Variants in ZC3H12B observed in about 807,000 individuals in gnomAD.
The protein encoded by ZC3H12B is probable ribonuclease ZC3H12B.
Under a neutral mutation model 43.9 loss-of-function variants are expected in ZC3H12B, and 7 were observed. The observed-to-expected ratio is 0.16, with a 90% CI of 0.09 to 0.30. The LOEUF (loss-of-function observed/expected upper bound fraction) is 0.30. ZC3H12B is among the 10% of genes least tolerant of loss of function. ZC3H12B has a pLI of 1.00. For missense variants in ZC3H12B, 475 were observed against 670.2 expected, an observed-to-expected ratio of 0.71 and a Z score of 3.22; for synonymous variants, 222 against 241.7, an observed-to-expected ratio of 0.92 and a Z score of 0.76.
the ZC3H12B span, among the ~76,000 whole-genome samples, chrX:65,312,867 T>C: frequency 9.0e-6 from 1 of 111,485 alleles, no homozygotes; most frequent in Non-Finnish European, 1.9e-5. Flanking sequence ...GGTTTTTTGT[T>C]TGTTTGTTTT....
chrX:65,307,681 C>CA, the ZC3H12B span, among the ~76,000 whole-genome samples: 1 of 110,690 alleles, frequency 9.0e-6, no homozygotes, highest in Non-Finnish European at 1.9e-5. Context: ...ATGTGTAGTC[C>CA]AAAAAAAGGT....
At chrX:65,056,828 CCT>C in the ZC3H12B span, among the ~76,000 whole-genome samples, 1 of 111,553 alleles carries the variant, frequency 9.0e-6, no homozygotes, top group East Asian at 2.8e-4. Context: ...TGAATTGATC[CCT>C]TTACTATTAT....
chrX:65,422,152 G>A (rs1015210810), intron 3 of ZC3H12B, among the ~76,000 whole-genome samples: 4 of 111,119 alleles, frequency 3.6e-5, no homozygotes, highest in Middle Eastern at 4.7e-3. Flanking sequence ...CTCAGAATCA[G>A]CATTCAATAT....
chrX:65,159,715 C>A, the ZC3H12B span, among the ~76,000 whole-genome samples: 1 of 111,845 alleles, frequency 8.9e-6, no homozygotes, highest in Non-Finnish European at 1.9e-5. Context: ...CAAAAAGGGA[C>A]AATTTGACTC....
At chrX:65,153,151 A>C in the ZC3H12B span, among the ~76,000 whole-genome samples, 2 of 112,266 alleles carry the variant, frequency 1.8e-5, 1 homozygote, top group Admixed American at 1.9e-4. Flanking sequence ...CTTAGGCATT[A>C]CCATTCAGGA....
At chrX:65,192,843 G>A in the ZC3H12B span, among the ~76,000 whole-genome samples, 1 of 111,389 alleles carries the variant, frequency 9.0e-6, no homozygotes, top group Non-Finnish European at 1.9e-5. Flanking sequence ...TGCTGGGCTG[G>A]AGTGCAGTGG....
the ZC3H12B span, among the ~76,000 whole-genome samples, chrX:65,310,601 C>T: frequency 2.7e-5 from 3 of 111,783 alleles, no homozygotes; most frequent in South Asian, 3.8e-4. Context: ...AGTGCTATCC[C>T]CATCAAGCTA....
intron 3 of ZC3H12B, among the ~76,000 whole-genome samples, chrX:65,457,479 C>T (rs765091785): frequency 0.036 from 3,148 of 86,673 alleles, 74 homozygotes; most frequent in Non-Finnish European, 0.052. Flanking sequence ...CCGCCCCATC[C>T]GGGAGGTGAG....
the ZC3H12B span, among the ~76,000 whole-genome samples, chrX:65,247,594 G>A: frequency 1.8e-5 from 2 of 112,521 alleles, no homozygotes; most frequent in South Asian, 3.7e-4. Context: ...TCAGGAAAAT[G>A]GATGGATTTG....
the ZC3H12B span, among the ~76,000 whole-genome samples, chrX:65,273,331 G>A: frequency 5.4e-5 from 6 of 111,169 alleles, no homozygotes; most frequent in Non-Finnish European, 9.4e-5. Flanking sequence ...TCACTAGAGA[G>A]TTTCAACAGT....
chrX:65,117,695 G>C, the ZC3H12B span, among the ~76,000 whole-genome samples: 1 of 111,717 alleles, frequency 9.0e-6, no homozygotes. Context: ...ATGCTTTTAG[G>C]TCTAACATTT....
At chrX:65,158,736 G>C in the ZC3H12B span, among the ~76,000 whole-genome samples, 1,109 of 111,737 alleles carry the variant, frequency 9.9e-3, 5 homozygotes, top group Non-Finnish European at 0.015. Flanking sequence ...TGTTCACTCT[G>C]ATGGTAGTTT....
the ZC3H12B span, among the ~76,000 whole-genome samples, chrX:65,145,961 G>C: frequency 5.4e-5 from 6 of 111,370 alleles, no homozygotes; most frequent in Middle Eastern, 4.6e-3. Context: ...ACAATGCCTA[G>C]GTGATTATCT....
chrX:65,347,035 A>G, the ZC3H12B span, among the ~76,000 whole-genome samples: 1 of 112,154 alleles, frequency 8.9e-6, no homozygotes, highest in Non-Finnish European at 1.9e-5. Flanking sequence ...GGGCCGACAG[A>G]CACATCGTAC....
At chrX:65,328,538 A>T in the ZC3H12B span, 1 of 203,043 alleles carries the variant, frequency 4.9e-6, no homozygotes. Flanking sequence ...TTTTATATGT[A>T]TCACATTGTC....
At chrX:65,287,171 C>A in the ZC3H12B span, among the ~76,000 whole-genome samples, 1 of 111,156 alleles carries the variant, frequency 9.0e-6, no homozygotes, top group Non-Finnish European at 1.9e-5. Flanking sequence ...TTAAACTGCA[C>A]TTTTGGCCAA....
the ZC3H12B span, among the ~76,000 whole-genome samples, chrX:65,220,162 A>T: frequency 8.9e-6 from 1 of 111,835 alleles, no homozygotes; most frequent in Admixed American, 9.5e-5. Flanking sequence ...GACAGAATTC[A>T]CCATTATGAA....
chrX:65,359,398 A>G, the ZC3H12B span, among the ~76,000 whole-genome samples: 1 of 112,018 alleles, frequency 8.9e-6, no homozygotes, highest in Non-Finnish European at 1.9e-5. Flanking sequence ...GGAAAAAGTA[A>G]ATTAAAAACC....
chrX:65,484,524 G>GAAA, upstream of ZC3H12B, among the ~76,000 whole-genome samples: 1 of 111,754 alleles, frequency 8.9e-6, no homozygotes, highest in Non-Finnish European at 1.9e-5. Context: ...TATTTTCTTT[G>GAAA]AGAATGCCTT....
Sources: allele counts gnomAD v4.1 joint callset (sites outside exome capture counted in the v4.1 genomes callset), GRCh38; gene constraint gnomAD v4.1.1; transcripts MANE v1.5; gene names NCBI Gene and HGNC (gene_info 2026-07-23, HGNC 2026-07-21).